ARL15: variants seen among roughly 807,000 people sequenced by gnomAD.
The protein encoded by ARL15 is ARF like GTPase 15.
A neutral mutation model predicts 25.2 loss-of-function variants in ARL15; 19 were observed. That is an observed-to-expected ratio of 0.75 (90% confidence interval 0.53 to 1.10). The LOEUF (loss-of-function observed/expected upper bound fraction) is 1.10. Among genes scored for constraint, ARL15 ranks in the 50% least tolerant of loss-of-function variants. The pLI, the probability that ARL15 is intolerant of heterozygous loss-of-function variation, is 0.00. For missense variants in ARL15, 220 were observed against 246.0 expected (o/e 0.89, Z 0.71); for synonymous variants, 94 against 86.8 (o/e 1.08, Z -0.46).
At chr5:54,005,749 C>T (rs1254834062) in intron 4 of ARL15, among the ~76,000 whole-genome samples, 1 of 151,872 alleles carries the variant, frequency 6.6e-6, no homozygotes, top group Non-Finnish European at 1.5e-5. Flanking sequence ...GTAGTCCCAG[C>T]TACTCGGGAG....
chr5:53,998,229 T>A (rs909439469), intron 4 of ARL15, among the ~76,000 whole-genome samples: 1 of 148,974 alleles, frequency 6.7e-6, no homozygotes, highest in Non-Finnish European at 1.5e-5. Flanking sequence ...GCTTTTCCCA[T>A]CTCTTGAATA....
intron 4 of ARL15, among the ~76,000 whole-genome samples, chr5:54,030,163 A>G (rs890396908): frequency 6.6e-6 from 1 of 152,146 alleles, no homozygotes; most frequent in Admixed American, 6.5e-5. Flanking sequence ...CAACAGAGCA[A>G]CACCCTGTTT....
At chr5:54,102,407 G>A (rs1752466236) in intron 4 of ARL15, among the ~76,000 whole-genome samples, 3 of 152,126 alleles carry the variant, frequency 2.0e-5, no homozygotes, top group African/African-American at 7.2e-5. Flanking sequence ...TAAACAATTT[G>A]TGCCATGTTT....
In ARL15 at chr5:54,112,156, A is replaced by G. The variant is rs565867870; in HGVS notation, c.462+1046T>C. 2.0e-5 allele frequency among the ~76,000 whole-genome samples: 3 copies of G among 152,260 alleles called. No individual in the cohort carries two copies. In the South Asian group the frequency reaches 6.2e-4, roughly 32 times the overall value. ...AACTGTGTTTCTAAAATTTGAATAA[A>G]AACTCTATTTATATGGTTCTTCTAC... On this transcript the variant is annotated intron_variant, in intron 4 of 4. Transcript: ENST00000504924.
At chr5:54,106,648 C>T (rs1411512073) in intron 4 of ARL15, among the ~76,000 whole-genome samples, 3 of 151,930 alleles carry the variant, frequency 2.0e-5, no homozygotes, top group Non-Finnish European at 4.4e-5. Context: ...GGAATATTGA[C>T]AAATAGACTA....
chr5:53,988,728 T>C (rs755417504), intron 4 of ARL15, among the ~76,000 whole-genome samples: 8 of 152,156 alleles, frequency 5.3e-5, no homozygotes, highest in Non-Finnish European at 7.4e-5. Flanking sequence ...TTGAAGAAGA[T>C]AAGCCTGTAA....
At position 54,101,651 on chromosome 5, in the gene ARL15, ATAGC is replaced by A. The variant is rs200266220; in HGVS notation, c.462+11547_462+11550del. Among the ~76,000 whole-genome samples the A allele has an allele frequency of 6.5e-3, 993 of 152,286 alleles. 9 individuals are homozygous for A. Among genetic ancestry groups the A allele is most frequent in the African/African-American group, 0.023 (954 of 41,568 alleles). ...GAGCTTCTCTGGTAAAGAAAAAAAGATAGCTATAGTGCTCAAAAACATTTCCATT... is the reference window on the plus strand; with the variant it reads ...GAGCTTCTCTGGTAAAGAAAAAAAGATATAGTGCTCAAAAACATTTCCATT... On this transcript the variant is annotated intron_variant, in intron 4 of 4. Transcript: ENST00000504924.
chr5:53,953,942 T>C (rs182308760), intron 4 of ARL15, among the ~76,000 whole-genome samples: 34 of 152,274 alleles, frequency 2.2e-4, no homozygotes, highest in Admixed American at 7.8e-4. Context: ...TAATAGATTT[T>C]TGTTAACCTT....
At chr5:54,248,461 A>C (rs1757151729) in intron 1 of ARL15, among the ~76,000 whole-genome samples, 1 of 152,132 alleles carries the variant, frequency 6.6e-6, no homozygotes. Context: ...TCCTCTGCCT[A>C]GAAAGGACTT....
intron 1 of ARL15, among the ~76,000 whole-genome samples, chr5:54,274,684 G>A (rs1242544670): frequency 6.6e-6 from 1 of 152,124 alleles, no homozygotes; most frequent in African/African-American, 2.4e-5. Context: ...GGATCATGAG[G>A]TCAGGAGTTC....
intron 4 of ARL15, among the ~76,000 whole-genome samples, chr5:53,925,157 T>G (rs1485864737): frequency 6.6e-6 from 1 of 151,968 alleles, no homozygotes; most frequent in Non-Finnish European, 1.5e-5. Context: ...ACTTCCTAAC[T>G]TGGGCCATTT....
chr5:53,906,140 T>TA (rs1745244494), intron 4 of ARL15, among the ~76,000 whole-genome samples: 1 of 152,218 alleles, frequency 6.6e-6, no homozygotes, highest in Non-Finnish European at 1.5e-5. Context: ...TCATAAAACA[T>TA]ACGGAAATGC....
chr5:54,280,938 G>T (rs1300860475), intron 1 of ARL15, among the ~76,000 whole-genome samples: 1 of 150,022 alleles, frequency 6.7e-6, no homozygotes, highest in Non-Finnish European at 1.5e-5. Flanking sequence ...TAAGAAATGA[G>T]CTCAAGGCAT....
intron 4 of ARL15, among the ~76,000 whole-genome samples, chr5:53,902,641 A>G (rs1004096875): frequency 2.0e-5 from 3 of 152,354 alleles, no homozygotes; most frequent in Non-Finnish European, 4.4e-5. Context: ...CAACATTTAG[A>G]TGCTGGAGCA....
intron 4 of ARL15, among the ~76,000 whole-genome samples, chr5:53,967,050 C>A (rs1747589601): frequency 6.6e-6 from 1 of 152,068 alleles, no homozygotes; most frequent in African/African-American, 2.4e-5. Context: ...TAGGTACACA[C>A]TAAACTGGAA....
chr5:54,246,841 CACACAG>C (rs1181939569), intron 1 of ARL15, among the ~76,000 whole-genome samples: 33 of 115,854 alleles, frequency 2.8e-4, no homozygotes, highest in African/African-American at 9.3e-4. Flanking sequence ...CACACACACA[CACACAG>C]AGTACATAAA....
At chr5:54,255,656 C>T (rs966594520) in intron 1 of ARL15, among the ~76,000 whole-genome samples, 6 of 152,146 alleles carry the variant, frequency 3.9e-5, no homozygotes, top group African/African-American at 9.7e-5. Flanking sequence ...CATGATACCA[C>T]ATATGGAGAA....
rs574789386 is a variant in ARL15 at position 53,929,516 on chromosome 5, T to G, written c.463-42803A>C. ...TATGCTAGCAAATAATTATACATAT[T>G]TTTACCAATGAACTGAATCAGAAAT... On this transcript the variant is annotated intron_variant, in intron 4 of 4. Transcript: ENST00000504924. 3.7e-4 allele frequency among the ~76,000 whole-genome samples: 56 copies of G among 152,358 alleles called. 1 individual carries two copies. The highest frequency in any genetic ancestry group is 1.3e-3 in the African/African-American group (56 of 41,580).
At chr5:54,030,684 A>T (rs1749952660) in intron 4 of ARL15, among the ~76,000 whole-genome samples, 1 of 152,214 alleles carries the variant, frequency 6.6e-6, no homozygotes, top group Admixed American at 6.5e-5. Context: ...AAGGCAGGCA[A>T]ACAAGCAGAT....
Sources: allele counts gnomAD v4.1 joint callset (sites outside exome capture counted in the v4.1 genomes callset), GRCh38; gene constraint gnomAD v4.1.1; transcripts MANE v1.5; gene names NCBI Gene and HGNC (gene_info 2026-07-23, HGNC 2026-07-21).